The following MAP2 variants were observed in gnomAD, a reference collection of about 807,000 sequenced individuals.
MAP2 encodes microtubule associated protein 2.
In MAP2, 14 loss-of-function variants were observed where a neutral mutation model predicts 137.6. That is an observed-to-expected ratio of 0.10 (90% CI 0.07 to 0.16). The LOEUF is 0.16. Ranked by LOEUF, MAP2 falls within the 10% of genes least tolerant of loss-of-function variation. MAP2 has a pLI of 1.00. For missense variants in MAP2, 2,088 were observed against 2,191.5 expected (o/e 0.95, Z 0.94); for synonymous variants, 786 against 782.3 (o/e 1.00, Z -0.08).
chr2:209,619,820 T>C (rs1344443668), intron 3 of MAP2, among the ~76,000 whole-genome samples: 2 of 152,228 alleles, frequency 1.3e-5, no homozygotes, highest in Middle Eastern at 3.4e-3. Flanking sequence ...GATGGAGATA[T>C]TTATTGCTCA....
At chr2:209,463,347 A>C (rs1360779646) in intron 1 of MAP2, among the ~76,000 whole-genome samples, 1 of 152,156 alleles carries the variant, frequency 6.6e-6, no homozygotes, top group Non-Finnish European at 1.5e-5. Flanking sequence ...CCATTTCTTA[A>C]CTTGTCTCAT....
At chr2:209,533,614 C>G (rs1424864395) in intron 2 of MAP2, among the ~76,000 whole-genome samples, 2 of 152,122 alleles carry the variant, frequency 1.3e-5, no homozygotes, top group Non-Finnish European at 2.9e-5. Context: ...TGAAAAATTT[C>G]TAAGACATGA....
chr2:209,463,926 C>T (rs1033646454), intron 1 of MAP2, among the ~76,000 whole-genome samples: 40 of 152,036 alleles, frequency 2.6e-4, no homozygotes, highest in African/African-American at 8.9e-4. Flanking sequence ...AGCTCTCAGT[C>T]GCTAGATTTA....
chr2:209,590,078 C>G (rs941950721), intron 3 of MAP2, among the ~76,000 whole-genome samples: 1 of 152,068 alleles, frequency 6.6e-6, no homozygotes, highest in East Asian at 1.9e-4. Flanking sequence ...CAAGGCCATG[C>G]TCAGTGCAGC....
chr2:209,446,782 G>A (rs1699169848), intron 1 of MAP2, among the ~76,000 whole-genome samples: 1 of 151,720 alleles, frequency 6.6e-6, no homozygotes, highest in South Asian at 2.1e-4. Flanking sequence ...TAAAGTAGAA[G>A]GCTGCTTGAG....
In MAP2 at chr2:209,546,361, T is replaced by G. The variant is rs191365764; in HGVS notation, c.-171-33675T>G. 4.0e-3 allele frequency among the ~76,000 whole-genome samples: 602 copies of G among 152,320 alleles called. 2 individuals carry two copies. Among genetic ancestry groups the G allele is most frequent in the South Asian group, 5.8e-3 (28 of 4,828 alleles). On this transcript the variant is annotated intron_variant, in intron 2 of 15. Transcript: ENST00000682079. ...CAAATTGTATGTTTGTGCATCTTAA[T>G]GCTACATATAACAAATAAAATGATT...
Position 209,697,596 on chromosome 2 carries a change from A to G in MAP2, c.4522+545A>G, listed in dbSNP as rs943373482. ...TATTACTTTGCTTTTGCTGAAAAAA[A>G]GAAGATAGAAAACAAAATTTTCTGG... On this transcript the variant is annotated intron_variant, in intron 10 of 15. Transcript: ENST00000682079. 2.0e-5 allele frequency among the ~76,000 whole-genome samples: 3 copies of G among 152,170 alleles called. No homozygotes were observed. The South Asian group carries it at 6.2e-4, about 32-fold the overall frequency.
At chr2:209,681,118 T>G (rs2054365334) in intron 7 of MAP2, among the ~76,000 whole-genome samples, 1 of 152,146 alleles carries the variant, frequency 6.6e-6, no homozygotes, top group African/African-American at 2.4e-5. Context: ...TAGAATGCTT[T>G]AACAGGGAAG....
At chr2:209,617,898 C>T (rs1381638512) in intron 3 of MAP2, among the ~76,000 whole-genome samples, 2 of 151,746 alleles carry the variant, frequency 1.3e-5, no homozygotes, top group East Asian at 1.9e-4. Flanking sequence ...TTTTTTTATC[C>T]TGCATATGTT....
In MAP2 at chr2:209,578,534, G is replaced by A. The variant is rs576145696; in HGVS notation, c.-171-1502G>A. On this transcript the variant is annotated intron_variant, in intron 2 of 15. Coordinates refer to ENST00000682079, the MANE Select transcript of MAP2 (RefSeq NM_001375505.1). The stretch of plus-strand genomic sequence containing the variant: ...TTGACTTTCTGTTTCCAGTAACCAT[G>A]GTGATGCTTCTTCCCAGCAACCTTC... 6.0e-5 allele frequency among the ~76,000 whole-genome samples: 9 copies of A among 150,896 alleles called. No homozygotes were observed. In the South Asian group the frequency reaches 1.3e-3, roughly 21 times the overall value.
intron 1 of MAP2, among the ~76,000 whole-genome samples, chr2:209,452,751 C>T (rs1700604729): frequency 6.6e-6 from 1 of 152,158 alleles, no homozygotes; most frequent in Admixed American, 6.5e-5. Flanking sequence ...TACCAGCCAA[C>T]GGTTCTTTAT....
At chr2:209,596,022 T>C (rs996934470) in intron 3 of MAP2, among the ~76,000 whole-genome samples, 2 of 152,002 alleles carry the variant, frequency 1.3e-5, no homozygotes, top group African/African-American at 4.8e-5. Context: ...AGTTAATGGG[T>C]GCAGCAAACC....
chr2:209,452,744 C>T (rs922789718), intron 1 of MAP2, among the ~76,000 whole-genome samples: 2 of 152,154 alleles, frequency 1.3e-5, no homozygotes, highest in African/African-American at 4.8e-5. Context: ...ACCTCAGTAC[C>T]AGCCAACGGT....
intron 5 of MAP2, among the ~76,000 whole-genome samples, chr2:209,671,348 A>G (rs1432751353): frequency 6.6e-6 from 1 of 151,944 alleles, no homozygotes; most frequent in Non-Finnish European, 1.5e-5. Context: ...CAGAGGAACC[A>G]TTTACTCTCC....
At chr2:209,637,531 A>G (rs2093667056) in intron 4 of MAP2, among the ~76,000 whole-genome samples, 1 of 152,048 alleles carries the variant, frequency 6.6e-6, no homozygotes. Context: ...GAGATAAGAT[A>G]AGATGAGGTG....
At chr2:209,466,517 A>G (rs1704157577) in intron 1 of MAP2, among the ~76,000 whole-genome samples, 3 of 152,186 alleles carry the variant, frequency 2.0e-5, no homozygotes, top group African/African-American at 7.2e-5. Flanking sequence ...AAATAGCTAC[A>G]TTTATCAAGG....
intron 7 of MAP2, among the ~76,000 whole-genome samples, chr2:209,685,180 A>T (rs2153697603): frequency 6.6e-6 from 1 of 152,258 alleles, no homozygotes; most frequent in African/African-American, 2.4e-5. Context: ...ACATCCCTAA[A>T]GCTGTTTCTT....
At chr2:209,623,724 T>C (rs2091744763) in intron 3 of MAP2, among the ~76,000 whole-genome samples, 1 of 152,154 alleles carries the variant, frequency 6.6e-6, no homozygotes, top group Non-Finnish European at 1.5e-5. Context: ...GTTATATATA[T>C]TCCAAATGTG....
chr2:209,438,044 T>C (rs748817076), intron 1 of MAP2, among the ~76,000 whole-genome samples: 1 of 151,556 alleles, frequency 6.6e-6, no homozygotes, highest in Non-Finnish European at 1.5e-5. Flanking sequence ...GAAAGTACAA[T>C]AGGCATGAGA....
Sources: gnomAD v4.1 joint callset for allele counts (sites outside exome capture counted in the v4.1 genomes callset) on GRCh38, gnomAD v4.1.1 for gene constraint, MANE v1.5 for transcripts, NCBI Gene and HGNC (gene_info 2026-07-23, HGNC 2026-07-21) for gene names.